SGCD: variants seen among roughly 807,000 people sequenced by gnomAD.
The protein encoded by SGCD is sarcoglycan delta.
A neutral mutation model predicts 36.6 loss-of-function variants in SGCD; 18 were observed. The ratio of observed to expected loss-of-function variants is 0.49; its 90% CI spans 0.34 to 0.73. The LOEUF (loss-of-function observed/expected upper bound fraction) is 0.73. Ranked by LOEUF, SGCD falls within the 30% of genes least tolerant of loss-of-function variation. SGCD has a pLI of 0.01. For missense variants in SGCD, 387 were observed against 346.7 expected, an observed-to-expected ratio of 1.12 and a Z score of -0.92; for synonymous variants, 133 against 130.6, an observed-to-expected ratio of 1.02 and a Z score of -0.12.
At chr5:155,781,776 T>C in the SGCD span, among the ~76,000 whole-genome samples, 1 of 152,118 alleles carries the variant, frequency 6.6e-6, no homozygotes, top group African/African-American at 2.4e-5. Context: ...TGGCCCATTT[T>C]CAATTATTCT....
chr5:156,449,677 CAA>C (rs397883573), intron 3 of SGCD, among the ~76,000 whole-genome samples: 36 of 46,050 alleles, frequency 7.8e-4, no homozygotes, highest in African/African-American at 2.1e-3. Flanking sequence ...ACTAAAAATA[CAA>C]AAAAAAAAAA....
chr5:156,083,023 A>G (rs1760999898), intron 1 of SGCD, among the ~76,000 whole-genome samples: 1 of 152,052 alleles, frequency 6.6e-6, no homozygotes, highest in South Asian at 2.1e-4. Context: ...GGCTAATGAT[A>G]TTGAACATCT....
chr5:156,245,548 G>C (rs1765419511), intron 3 of SGCD, among the ~76,000 whole-genome samples: 2 of 152,080 alleles, frequency 1.3e-5, no homozygotes, highest in South Asian at 4.2e-4. Context: ...AAAAATAGAG[G>C]CATCCAAGTA....
At chr5:156,061,492 T>C (rs1760205439) in intron 1 of SGCD, among the ~76,000 whole-genome samples, 1 of 146,202 alleles carries the variant, frequency 6.8e-6, no homozygotes. Context: ...AGGATTCGAC[T>C]TAGCTTGGGT....
chr5:156,152,841 T>G (rs1762863157), intron 3 of SGCD, among the ~76,000 whole-genome samples: 1 of 151,578 alleles, frequency 6.6e-6, no homozygotes, highest in South Asian at 2.1e-4. Context: ...CTTTGACCAA[T>G]CAATCAATAT....
intron 1 of SGCD, among the ~76,000 whole-genome samples, chr5:155,973,501 T>C (rs1758046051): frequency 6.6e-6 from 1 of 152,160 alleles, no homozygotes; most frequent in Admixed American, 6.5e-5. Flanking sequence ...CTCACACTTG[T>C]CAATGGTGAT....
chr5:155,919,035 TA>T (rs1397333128), intron 1 of SGCD, among the ~76,000 whole-genome samples: 76 of 152,372 alleles, frequency 5.0e-4, no homozygotes, highest in Middle Eastern at 3.4e-3. Context: ...CCTCTTGCTT[TA>T]AAGCTTATTT....
chr5:156,380,898 A>G (rs1340169723), intron 3 of SGCD, among the ~76,000 whole-genome samples: 1 of 152,234 alleles, frequency 6.6e-6, no homozygotes, highest in Non-Finnish European at 1.5e-5. Flanking sequence ...TAAGTCGAGT[A>G]GAAGATGTAT....
At chr5:156,002,233 A>G (rs1758678658) in intron 1 of SGCD, among the ~76,000 whole-genome samples, 1 of 152,158 alleles carries the variant, frequency 6.6e-6, no homozygotes, top group Non-Finnish European at 1.5e-5. Flanking sequence ...TAGGACACAG[A>G]CACACAAACA....
chr5:156,143,966 C>T (rs1762641591), intron 3 of SGCD, among the ~76,000 whole-genome samples: 1 of 147,540 alleles, frequency 6.8e-6, no homozygotes, highest in Non-Finnish European at 1.5e-5. Context: ...CAATTCCCAC[C>T]TATGAGTGAG....
At chr5:156,523,388 G>A (rs79835445) in intron 4 of SGCD, among the ~76,000 whole-genome samples, 35,654 of 152,050 alleles carry the variant, frequency 0.23, 4,785 homozygotes, top group Non-Finnish European at 0.31. Context: ...AGTGGATAAT[G>A]CAACGGAACT....
At chr5:156,473,302 G>A (rs950992727) in intron 3 of SGCD, among the ~76,000 whole-genome samples, 5 of 152,168 alleles carry the variant, frequency 3.3e-5, no homozygotes, top group African/African-American at 9.7e-5. Flanking sequence ...TTTCCATGGA[G>A]ATACCTCCCA....
In SGCD at chr5:156,578,966, T is replaced by A. The variant is rs570243539; in HGVS notation, c.295-10265T>A. On this transcript the variant is annotated intron_variant, in intron 4 of 8. Coordinates refer to ENST00000337851, the MANE Select transcript of SGCD (RefSeq NM_000337.6). ...TTCTTGCCTTCTGCTAACTTTTGAA[T>A]GTGTTTGCTCTTCTCTAGTTCTTTT... Among the ~76,000 whole-genome samples, 8 of 152,338 alleles carry A rather than the reference T, an allele frequency of 5.3e-5. No homozygotes were observed. The East Asian group carries it at 9.7e-4, about 18-fold the overall frequency.
intron 7 of SGCD, among the ~76,000 whole-genome samples, chr5:156,739,424 A>G (rs551466315): frequency 6.6e-6 from 1 of 152,328 alleles, no homozygotes; most frequent in East Asian, 1.9e-4. Context: ...ATAAATTAAA[A>G]CAAGTAAAGA....
At chr5:155,856,248 A>G in the SGCD span, among the ~76,000 whole-genome samples, 3 of 152,312 alleles carry the variant, frequency 2.0e-5, no homozygotes, top group Non-Finnish European at 4.4e-5. Flanking sequence ...ACCATGAGTT[A>G]TAGTTAATAA....
chr5:156,267,177 T>C (rs1766022947), intron 3 of SGCD, among the ~76,000 whole-genome samples: 1 of 152,200 alleles, frequency 6.6e-6, no homozygotes, highest in Non-Finnish European at 1.5e-5. Flanking sequence ...AAGTATTGAG[T>C]GCTTAGCATT....
rs186423757 is a variant in SGCD, at chr5:156,635,687, A to G, written c.503-11777A>G. 3.3e-5 allele frequency among the ~76,000 whole-genome samples: 5 copies of G among 152,308 alleles called. No homozygotes were observed. The South Asian group carries it at 1.0e-3, about 32-fold the overall frequency. On this transcript the variant is annotated intron_variant, in intron 6 of 8. Transcript: ENST00000337851. Reference sequence around the variant, plus strand: ...TAAGAAAATGTGGCACCTATACACCATGGAATACTATGCAGCCATAAAAAA... The same window carrying G: ...TAAGAAAATGTGGCACCTATACACCGTGGAATACTATGCAGCCATAAAAAA...
intron 3 of SGCD, among the ~76,000 whole-genome samples, chr5:156,165,141 G>A (rs1763182517): frequency 6.6e-6 from 1 of 152,186 alleles, no homozygotes; most frequent in African/African-American, 2.4e-5. Context: ...GAGGGCTGCA[G>A]GAGTTCCGGA....
At chr5:156,422,703 A>G (rs1773371877) in intron 3 of SGCD, among the ~76,000 whole-genome samples, 2 of 152,136 alleles carry the variant, frequency 1.3e-5, no homozygotes, top group South Asian at 2.1e-4. Flanking sequence ...GTTGTGGTAC[A>G]TATCCCATGC....
Sources: gnomAD v4.1 joint callset for allele counts (sites outside exome capture counted in the v4.1 genomes callset) on GRCh38, gnomAD v4.1.1 for gene constraint, MANE v1.5 for transcripts, NCBI Gene and HGNC (gene_info 2026-07-23, HGNC 2026-07-21) for gene names.